GUK1: variants seen among roughly 807,000 people sequenced by gnomAD.
GUK1 encodes the protein guanylate kinase.
In GUK1, 18 loss-of-function variants were observed where a neutral mutation model predicts 25.2. That is an observed-to-expected ratio of 0.71 (90% CI 0.49 to 1.06). The LOEUF is 1.06. Ranked by LOEUF, GUK1 falls within the 50% of genes least tolerant of loss-of-function variation. GUK1 has a pLI of 0.00. For synonymous variants in GUK1, 105 were observed against 117.6 expected, an observed-to-expected ratio of 0.89 and a Z score of 0.69; for missense variants, 261 against 276.7, an observed-to-expected ratio of 0.94 and a Z score of 0.40.
At chr1:228,147,746 G>C in intron 7 of GUK1, 47 bp downstream of exon 6, 2 of 1,552,450 alleles carry the variant, frequency 1.3e-6, no homozygotes, top group East Asian at 4.5e-5. Flanking sequence ...GGGGAGTCAG[G>C]GTTCTGAGGT....
At position 228,148,710 on chromosome 1, in the gene GUK1, G is replaced by A. The variant is rs773200842; in HGVS notation, c.*13G>A. The A allele has an allele frequency of 2.5e-6, 4 of 1,607,106 alleles. No homozygotes were observed. The African/African-American group carries it at 4.0e-5, about 16-fold the overall frequency. On this transcript the variant is annotated 3_prime_UTR_variant, in exon 9 of 9. Coordinates refer to ENST00000312726, the MANE Select transcript of GUK1 (RefSeq NM_000858.7). ...GACCGGCGCCTGAGGCTTGCTGTCTGTTCTCGGCACCCCGGGCCCATACAG... is the reference window on the plus strand; with the variant it reads ...GACCGGCGCCTGAGGCTTGCTGTCTATTCTCGGCACCCCGGGCCCATACAG...
Position 228,144,705 on chromosome 1 carries a change from G to T in GUK1, c.-2-806G>T, listed in dbSNP as rs78306739. On this transcript the variant is annotated intron_variant, in intron 2 of 8. Coordinates refer to ENST00000312726, the MANE Select transcript of GUK1 (RefSeq NM_000858.7). ...AGCACCCCCAGCTCTCAGTCCAGCA[G>T]ACAGACCCACCCCAGGCTGACTACA... 6.6e-5 allele frequency: 65 copies of T among 985,210 alleles called. No individual in the cohort carries two copies. The East Asian group carries it at 7.0e-3, about 107-fold the overall frequency. The allele number at this position is 985,210 out of a possible 1,614,324, so 61.0% of individuals were successfully genotyped here.
chr1:228,140,430 G>T, intron 1 of GUK1, 67 bp downstream of exon 1: 2 of 1,160,030 alleles, frequency 1.7e-6, no homozygotes, highest in Non-Finnish European at 1.2e-6. Flanking sequence ...TGCGCTTTGC[G>T]GTCGCCCAGT....
At position 228,148,801 on chromosome 1, in the gene GUK1, G is replaced by T; in HGVS notation, c.*104G>T. On this transcript the variant is annotated 3_prime_UTR_variant, in exon 9 of 9. Coordinates refer to ENST00000312726, the MANE Select transcript of GUK1 (RefSeq NM_000858.7). ...TACGGCAGCTCTGTGCCCTTGGCCA[G>T]CATGTGGAGTGGAGGAGATGCTGCC... 6.3e-7 allele frequency: 1 copy of T among 1,592,112 alleles called. No homozygotes were observed. Among genetic ancestry groups the T allele is most frequent in the Non-Finnish European group, 8.5e-7 (1 of 1,169,818 alleles).
intron 2 of GUK1, among the ~76,000 whole-genome samples, chr1:228,142,637 G>A (rs1339072935): frequency 6.6e-6 from 1 of 152,128 alleles, no homozygotes; most frequent in Non-Finnish European, 1.5e-5. Flanking sequence ...GTGTCTGATC[G>A]TTGTCAGGGC....
chr1:228,145,406 C>A, intron 2 of GUK1, 105 bp from the exon 2 acceptor site: 1 of 1,205,224 alleles, frequency 8.3e-7, no homozygotes, highest in Non-Finnish European at 1.1e-6. Context: ...TGTCTCCATC[C>A]CTGGGTCAGC....
At chr1:228,142,952 AGT>A (rs1444616819) in intron 2 of GUK1, among the ~76,000 whole-genome samples, 1 of 151,822 alleles carries the variant, frequency 6.6e-6, no homozygotes, top group Non-Finnish European at 1.5e-5. Context: ...GTGCTGGGCG[AGT>A]GTAGGCACAG....
chr1:228,142,274 G>C lies in GUK1; in HGVS notation c.-3+986G>C, dbSNP rs1407463908. On this transcript the variant is annotated intron_variant, in intron 2 of 8. Transcript: ENST00000312726. ...CACGCTTGGGCAGAGCCGAACTCAG[G>C]GGACCCAGGAAGAGCGGAGTGTTGG... Among the ~76,000 whole-genome samples, 7 of 152,300 alleles carry C rather than the reference G, an allele frequency of 4.6e-5. 1 individual carries two copies. The East Asian group carries it at 1.3e-3, about 29-fold the overall frequency.
chr1:228,141,604 GC>G, intron 2 of GUK1: 1 of 1,093,620 alleles, frequency 9.1e-7, no homozygotes, highest in Non-Finnish European at 1.1e-6. Context: ...TGGGCCGGGG[GC>G]AAGGTGGTGA....
chr1:228,147,270 G>A (rs1347592379), intron 5 of GUK1, 136 bp from the exon 5 acceptor site: 24 of 803,160 alleles, frequency 3.0e-5, no homozygotes, highest in African/African-American at 8.7e-5. Flanking sequence ...AGATGCTGTC[G>A]GGTGCTGGGT....
chr1:228,140,397 C>A, intron 1 of GUK1, 34 bp downstream of exon 1: 3 of 1,430,298 alleles, frequency 2.1e-6, no homozygotes, highest in African/African-American at 1.5e-5. Flanking sequence ...GAGGGTGACT[C>A]GGGTCGAGGC....
chr1:228,147,234 G>A (rs1014518732), intron 5 of GUK1, among the ~76,000 whole-genome samples, 172 bp from the exon 5 acceptor site: 9 of 152,194 alleles, frequency 5.9e-5, no homozygotes, highest in African/African-American at 1.9e-4. Flanking sequence ...CTGTAGGCGG[G>A]GCAGGGCGTG....
At position 228,141,185 on chromosome 1, in the gene GUK1, T is replaced by G; in HGVS notation, c.-106T>G. 3 of 985,384 alleles carry G rather than the reference T, an allele frequency of 3.0e-6. No homozygotes were observed. Among genetic ancestry groups the G allele is most frequent in the Non-Finnish European group, 2.4e-6 (2 of 829,850 alleles). 61.0% of individuals were successfully genotyped at this position (985,384 alleles called of 1,614,324 possible). A position where few individuals can be genotyped will look rare whatever the true frequency, so the allele number is the denominator to read the frequency against. ...ACCCTGTGCAAGACTCGGCCGGTTT[T>G]TCTTTCTCCCTGATGGACAGACCCA... On this transcript the variant is annotated 5_prime_UTR_variant, in exon 2 of 9. Coordinates refer to ENST00000312726, the MANE Select transcript of GUK1 (RefSeq NM_000858.7).
At chr1:228,141,656 A>G (rs764012626) in intron 2 of GUK1, 2 of 1,219,654 alleles carry the variant, frequency 1.6e-6, no homozygotes, top group Admixed American at 3.2e-5. Flanking sequence ...CAGAAGGAGG[A>G]GATTATGCCG....
chr1:228,143,665 A>G (rs1398275604), intron 2 of GUK1, among the ~76,000 whole-genome samples: 50 of 152,138 alleles, frequency 3.3e-4, no homozygotes, highest in Non-Finnish European at 1.2e-4. Context: ...GAGAAGCTGA[A>G]TGGATAAAGA....
chr1:228,141,822 C>A, intron 2 of GUK1: 1 of 1,189,062 alleles, frequency 8.4e-7, no homozygotes, highest in Middle Eastern at 2.5e-4. Context: ...AGACCACGTG[C>A]CTGGCAGGTC....
chr1:228,141,753 C>T (rs1239536744), intron 2 of GUK1: 4 of 1,322,510 alleles, frequency 3.0e-6, no homozygotes, highest in Non-Finnish European at 4.0e-6. Flanking sequence ...GAGACCATTC[C>T]GGAACATGGA....
Position 228,146,013 on chromosome 1 carries a change from G to A in GUK1, c.113-13G>A, listed in dbSNP as rs2034350018. ...CCGAGCAGCCCCCGATGGGTGACAGGTCTCTCTGCTAGATACCACGAGGAA... is the reference window on the plus strand; with the variant it reads ...CCGAGCAGCCCCCGATGGGTGACAGATCTCTCTGCTAGATACCACGAGGAA... On this transcript the variant is annotated splice_polypyrimidine_tract_variant and intron_variant, in intron 3 of 8. Transcript: ENST00000312726. The A allele has an allele frequency of 6.2e-7, 1 of 1,606,296 alleles. No homozygotes were observed. The highest frequency in any genetic ancestry group is 1.3e-5 in the African/African-American group (1 of 74,778).
intron 4 of GUK1, chr1:228,146,477 G>A: frequency 7.0e-6 from 3 of 431,136 alleles, no homozygotes; most frequent in South Asian, 6.3e-5. Context: ...GTGCAACCCA[G>A]TGGTCTCCAG....
Sources: gnomAD v4.1 joint callset for allele counts (sites outside exome capture counted in the v4.1 genomes callset) on GRCh38, gnomAD v4.1.1 for gene constraint, MANE v1.5 for transcripts, NCBI Gene and HGNC (gene_info 2026-07-23, HGNC 2026-07-21) for gene names.